Variants in WDR49 observed in about 807,000 individuals in gnomAD.
WDR49 encodes cilia- and flagella-associated protein 337.
Under a neutral mutation model 119.5 loss-of-function variants are expected in WDR49, and 107 were observed. The ratio of observed to expected loss-of-function variants is 0.90; its 90% confidence interval spans 0.77 to 1.05. WDR49 has a LOEUF of 1.05. Ranked by LOEUF, WDR49 falls within the 50% of genes least tolerant of loss-of-function variation. The probability of loss-of-function intolerance (pLI) is 0.00; values close to 1 mark genes in which losing one functional copy is unlikely to be tolerated. For missense variants in WDR49, 1,240 were observed against 1,220.5 expected (o/e 1.02, Z -0.24); for synonymous variants, 425 against 418.8 (o/e 1.01, Z -0.18).
chr3:167,522,015 TAGA>T (rs765254075), intron 16 of WDR49, among the ~76,000 whole-genome samples: 14,774 of 129,478 alleles, frequency 0.11, 848 homozygotes, highest in Non-Finnish European at 0.15. Context: ...GATAGATAGA[TAGA>T]TTGTTTTTGA....
At chr3:167,649,208 G>A (rs1166706982) in intron 2 of WDR49, among the ~76,000 whole-genome samples, 2 of 151,998 alleles carry the variant, frequency 1.3e-5, no homozygotes, top group Admixed American at 6.6e-5. Context: ...TGTTCATTTG[G>A]GTACCTTAGT....
At chr3:167,616,063 A>C (rs1215535760) in intron 5 of WDR49, among the ~76,000 whole-genome samples, 1 of 152,228 alleles carries the variant, frequency 6.6e-6, no homozygotes, top group Non-Finnish European at 1.5e-5. Flanking sequence ...GGATGGATCT[A>C]GATAACAGAA....
At chr3:167,527,336 C>G (rs531352033) in intron 15 of WDR49, among the ~76,000 whole-genome samples, 1 of 152,100 alleles carries the variant, frequency 6.6e-6, no homozygotes, top group East Asian at 1.9e-4. Context: ...CAGTACCCCA[C>G]GTACACAAGA....
At chr3:167,531,773 T>C (rs1752859887) in intron 12 of WDR49, among the ~76,000 whole-genome samples, 1 of 152,136 alleles carries the variant, frequency 6.6e-6, no homozygotes, top group Non-Finnish European at 1.5e-5. Flanking sequence ...TCTAATGACA[T>C]CATCTCCAGG....
chr3:167,497,738 T>A (rs1751409471), intron 18 of WDR49, among the ~76,000 whole-genome samples: 1 of 152,196 alleles, frequency 6.6e-6, no homozygotes, highest in African/African-American at 2.4e-5. Context: ...CTGTCTTGGT[T>A]TCCTCCTGAA....
chr3:167,481,033 C>T (rs1374452208), intron 18 of WDR49, among the ~76,000 whole-genome samples: 2 of 149,722 alleles, frequency 1.3e-5, no homozygotes, highest in East Asian at 3.9e-4. Context: ...CACATCCCAG[C>T]CTCTTACTCA....
At chr3:167,533,689 G>C (rs572416202) in intron 11 of WDR49, among the ~76,000 whole-genome samples, 18 of 152,150 alleles carry the variant, frequency 1.2e-4, no homozygotes, top group African/African-American at 4.3e-4. Context: ...AGAGAACAGA[G>C]AAAAGCCCAA....
At chr3:167,642,722 G>A (rs1717939647) in intron 2 of WDR49, among the ~76,000 whole-genome samples, 1 of 151,902 alleles carries the variant, frequency 6.6e-6, no homozygotes, top group Non-Finnish European at 1.5e-5. Context: ...GGGGATCCCT[G>A]GAGAAATGGC....
intron 2 of WDR49, among the ~76,000 whole-genome samples, chr3:167,630,580 A>G (rs887460225): frequency 6.6e-6 from 1 of 152,098 alleles, no homozygotes; most frequent in East Asian, 1.9e-4. Flanking sequence ...AAATTACCCC[A>G]TGGTGAAACT....
chr3:167,570,297 A>G (rs1713855683), intron 8 of WDR49, among the ~76,000 whole-genome samples: 1 of 152,208 alleles, frequency 6.6e-6, no homozygotes, highest in Admixed American at 6.5e-5. Context: ...AATTTCCCTC[A>G]AGCCTGTCCT....
At chr3:167,540,768 G>C (rs1711767397) in intron 10 of WDR49, among the ~76,000 whole-genome samples, 1 of 151,662 alleles carries the variant, frequency 6.6e-6, no homozygotes, top group Admixed American at 6.6e-5. Flanking sequence ...ATATACCAGA[G>C]AAAACTGAAA....
At chr3:167,633,214 C>T (rs893630738) in intron 2 of WDR49, among the ~76,000 whole-genome samples, 1 of 151,728 alleles carries the variant, frequency 6.6e-6, no homozygotes, top group Non-Finnish European at 1.5e-5. Context: ...TTCTTAGGGA[C>T]CCAGAGAATA....
At chr3:167,555,545 G>A (rs1712872769) in intron 9 of WDR49, among the ~76,000 whole-genome samples, 1 of 152,138 alleles carries the variant, frequency 6.6e-6, no homozygotes, top group Middle Eastern at 3.2e-3. Flanking sequence ...GCTTGTGACT[G>A]GCATCTAAAG....
At chr3:167,480,198 G>A (rs1355141155) in intron 18 of WDR49, among the ~76,000 whole-genome samples, 6 of 136,498 alleles carry the variant, frequency 4.4e-5, no homozygotes, top group Admixed American at 2.4e-4. Context: ...GCAGTGAGCC[G>A]AGATCAAGCC....
intron 16 of WDR49, among the ~76,000 whole-genome samples, chr3:167,520,315 T>G (rs1401654930): frequency 6.6e-6 from 1 of 152,000 alleles, no homozygotes; most frequent in African/African-American, 2.4e-5. Context: ...TTGGCTGAAA[T>G]ACTCTTAAAC....
intron 7 of WDR49, among the ~76,000 whole-genome samples, chr3:167,582,043 TG>T (rs1714561554): frequency 1.1e-5 from 1 of 89,172 alleles, no homozygotes; most frequent in Non-Finnish European, 2.7e-5. Context: ...TGTGTGTGTG[TG>T]TGTGTGTGTG....
chr3:167,580,265 T>G (rs369845597), intron 7 of WDR49, among the ~76,000 whole-genome samples: 1 of 152,178 alleles, frequency 6.6e-6, no homozygotes, highest in East Asian at 1.9e-4. Flanking sequence ...CCATCTTTAA[T>G]TCTCTAATTT....
intron 2 of WDR49, among the ~76,000 whole-genome samples, chr3:167,632,869 G>A (rs1214787115): frequency 6.6e-6 from 1 of 151,910 alleles, no homozygotes; most frequent in Non-Finnish European, 1.5e-5. Context: ...CCCAATTATG[G>A]CACCTCTAAA....
chr3:167,614,503 G>A (rs577676566), intron 5 of WDR49, among the ~76,000 whole-genome samples: 2 of 152,214 alleles, frequency 1.3e-5, no homozygotes, highest in South Asian at 2.1e-4. Flanking sequence ...AATTCAAGAC[G>A]TTTATGTCTT....
Sources: allele counts gnomAD v4.1 joint callset (sites outside exome capture counted in the v4.1 genomes callset), GRCh38; gene constraint gnomAD v4.1.1; transcripts MANE v1.5; gene names NCBI Gene and HGNC (gene_info 2026-07-23, HGNC 2026-07-21).